The following CHRM3 variants were observed in gnomAD, a reference collection of about 807,000 sequenced individuals.
CHRM3 encodes the protein cholinergic receptor muscarinic 3, also known as muscarinic acetylcholine receptor M3.
CHRM3 carries 11 observed loss-of-function variants against 41.8 expected under a neutral mutation model. The ratio of observed to expected loss-of-function variants is 0.26; its 90% CI spans 0.17 to 0.44. CHRM3 has a LOEUF of 0.44. Among genes scored for constraint, CHRM3 ranks in the 20% least tolerant of loss-of-function variants. The pLI is 1.00. For missense variants in CHRM3, 571 were observed against 745.4 expected, an observed-to-expected ratio of 0.77 and a Z score of 2.72; for synonymous variants, 297 against 301.4, an observed-to-expected ratio of 0.99 and a Z score of 0.15.
rs1663744314 is a variant in CHRM3 at position 239,441,799 on chromosome 1, C to T, written c.-520-50910C>T. Among the ~76,000 whole-genome samples the T allele has an allele frequency of 2.0e-5, 3 of 152,152 alleles. No individual in the cohort carries two copies. The South Asian group carries it at 6.2e-4, about 32-fold the overall frequency. The stretch of plus-strand genomic sequence containing the variant: ...AAATTCTGCTTCAAACCTGCTGTGA[C>T]CAATTTGTTATAAAGCTGTTTGTGT... On this transcript the variant is annotated intron_variant, in intron 1 of 6. Transcript: ENST00000676153.
intron 1 of CHRM3, among the ~76,000 whole-genome samples, chr1:239,449,450 T>C (rs1162529450): frequency 2.0e-5 from 3 of 152,138 alleles, no homozygotes; most frequent in African/African-American, 7.2e-5. Context: ...GAGGTGACTA[T>C]GAAGGTCATT....
chr1:239,453,696 T>C (rs542308198), intron 1 of CHRM3, among the ~76,000 whole-genome samples: 2 of 152,334 alleles, frequency 1.3e-5, no homozygotes, highest in African/African-American at 4.8e-5. Context: ...CCATCTTAGA[T>C]ACTGCAAATA....
intron 4 of CHRM3, among the ~76,000 whole-genome samples, chr1:239,660,467 C>T (rs545943928): frequency 3.4e-4 from 51 of 152,018 alleles, no homozygotes; most frequent in African/African-American, 1.2e-3. Flanking sequence ...TTCCACAGAC[C>T]GTATAAGTCT....
At chr1:239,803,298 G>C (rs1395616989) in intron 5 of CHRM3, among the ~76,000 whole-genome samples, 2 of 152,106 alleles carry the variant, frequency 1.3e-5, no homozygotes, top group Admixed American at 1.3e-4. Flanking sequence ...TACATTCGGA[G>C]ACCACTTTCC....
chr1:239,720,490 G>C (rs1485404291), intron 5 of CHRM3, among the ~76,000 whole-genome samples: 2 of 151,904 alleles, frequency 1.3e-5, no homozygotes, highest in Non-Finnish European at 2.9e-5. Context: ...TAATGCTCTC[G>C]TGCCACTCAA....
At chr1:239,505,376 G>A (rs1668502282) in intron 2 of CHRM3, among the ~76,000 whole-genome samples, 2 of 152,072 alleles carry the variant, frequency 1.3e-5, no homozygotes, top group Non-Finnish European at 1.5e-5. Context: ...GGGGGACCTG[G>A]CAGGAGGTAA....
intron 4 of CHRM3, among the ~76,000 whole-genome samples, chr1:239,642,452 G>A (rs929269317): frequency 1.3e-5 from 2 of 152,088 alleles, no homozygotes; most frequent in African/African-American, 4.8e-5. Context: ...TTTCTTGGAG[G>A]CTTTGTTCGT....
chr1:239,466,197 G>T (rs1665716376), intron 1 of CHRM3, among the ~76,000 whole-genome samples: 1 of 152,036 alleles, frequency 6.6e-6, no homozygotes, highest in African/African-American at 2.4e-5. Flanking sequence ...GTTTCACCAT[G>T]TTGGCCAGGG....
chr1:239,825,474 A>G (rs1469005539), intron 5 of CHRM3, among the ~76,000 whole-genome samples: 2 of 152,168 alleles, frequency 1.3e-5, no homozygotes, highest in East Asian at 3.9e-4. Context: ...TACACTCAGC[A>G]CTTATATATG....
intron 3 of CHRM3, among the ~76,000 whole-genome samples, chr1:239,554,828 C>G (rs886305147): frequency 4.0e-5 from 6 of 148,896 alleles, no homozygotes; most frequent in African/African-American, 1.5e-4. Context: ...CTACCATGTT[C>G]AAGCAATTCT....
chr1:239,654,679 A>G (rs143980981), intron 4 of CHRM3, among the ~76,000 whole-genome samples: 304 of 152,246 alleles, frequency 2.0e-3, no homozygotes, highest in African/African-American at 6.7e-3. Flanking sequence ...GATTACAGGC[A>G]TGAGCCACCA....
At chr1:239,528,203 T>C (rs1480368094) in intron 2 of CHRM3, among the ~76,000 whole-genome samples, 7 of 152,202 alleles carry the variant, frequency 4.6e-5, no homozygotes, top group Non-Finnish European at 8.8e-5. Context: ...TGCGAGCTCA[T>C]AGACAGACCT....
intron 3 of CHRM3, among the ~76,000 whole-genome samples, chr1:239,555,725 T>C (rs73120625): frequency 0.013 from 1,989 of 152,334 alleles, 37 homozygotes; most frequent in African/African-American, 0.043. Context: ...TACTCTATGC[T>C]TATGGGGTAG....
Position 239,532,637 on chromosome 1 carries a change from A to AT in CHRM3, c.-421-13004_-421-13003insT, listed in dbSNP as rs1341904557. 2.6e-5 allele frequency among the ~76,000 whole-genome samples: 4 copies of AT among 151,836 alleles called. No individual in the cohort carries two copies. The East Asian group carries it at 5.9e-4, about 22-fold the overall frequency. ...GACTGCCTCTCAAAAAAAAAAAAAA[A>AT]AGATATGTAGGAGTTCCACTCTACT... is the stretch of plus-strand genomic sequence containing the variant. On this transcript the variant is annotated intron_variant, in intron 2 of 6. Transcript: ENST00000676153.
intron 3 of CHRM3, among the ~76,000 whole-genome samples, chr1:239,614,285 A>C (rs1464826438): frequency 1.3e-5 from 2 of 152,216 alleles, no homozygotes; most frequent in African/African-American, 4.8e-5. Flanking sequence ...CCTAGAGACC[A>C]AGTTTTGTGA....
intron 1 of CHRM3, among the ~76,000 whole-genome samples, chr1:239,465,598 C>A (rs778518059): frequency 6.6e-6 from 1 of 152,032 alleles, no homozygotes; most frequent in African/African-American, 2.4e-5. Context: ...TCGGGTTTGC[C>A]TTCTCTTCCA....
At chr1:239,761,615 G>A (rs1420352102) in intron 5 of CHRM3, among the ~76,000 whole-genome samples, 1 of 152,146 alleles carries the variant, frequency 6.6e-6, no homozygotes, top group Non-Finnish European at 1.5e-5. Flanking sequence ...GCCTACTCTG[G>A]CACTACCACT....
At chr1:239,813,887 A>G (rs1572379127) in intron 5 of CHRM3, among the ~76,000 whole-genome samples, 2 of 126,444 alleles carry the variant, frequency 1.6e-5, no homozygotes, top group South Asian at 2.7e-4. Context: ...ACTGCACTCC[A>G]GCCTGGGCGA....
At chr1:239,404,386 A>AAGAAAG (rs1278096591) in intron 1 of CHRM3, among the ~76,000 whole-genome samples, 16 of 82,236 alleles carry the variant, frequency 1.9e-4, no homozygotes, top group African/African-American at 8.2e-4. Context: ...GAAAGAAAGA[A>AAGAAAG]AGAAAGAAAG....
Sources: gnomAD v4.1 joint callset for allele counts (sites outside exome capture counted in the v4.1 genomes callset) on GRCh38, gnomAD v4.1.1 for gene constraint, MANE v1.5 for transcripts, NCBI Gene and HGNC (gene_info 2026-07-23, HGNC 2026-07-21) for gene names.